Variants in CCDC186 observed in about 807,000 individuals in gnomAD.
CCDC186 encodes coiled-coil domain containing 186.
In CCDC186, 49 loss-of-function variants were observed where a neutral mutation model predicts 113.7. The ratio of observed to expected loss-of-function variants is 0.43; its 90% CI spans 0.34 to 0.55. The LOEUF (loss-of-function observed/expected upper bound fraction) is 0.55. CCDC186 is among the 20% of genes least tolerant of loss of function. CCDC186 has a pLI of 0.02. For synonymous variants in CCDC186, 355 were observed against 345.8 expected, an observed-to-expected ratio of 1.03 and a Z score of -0.30; for missense variants, 890 against 1,011.1, an observed-to-expected ratio of 0.88 and a Z score of 1.62.
chr10:114,144,210 C>A (rs1246271283), intron 6 of CCDC186, among the ~76,000 whole-genome samples: 1 of 152,016 alleles, frequency 6.6e-6, no homozygotes, highest in Non-Finnish European at 1.5e-5. Flanking sequence ...AAGAACAGGG[C>A]AAATTTGGGT....
At chr10:114,147,714 C>A (rs1318493275) in intron 4 of CCDC186, among the ~76,000 whole-genome samples, 3 of 152,062 alleles carry the variant, frequency 2.0e-5, no homozygotes, top group Admixed American at 2.0e-4. Flanking sequence ...ATCAGAAGCT[C>A]TTATTAAAAT....
chr10:114,149,216 AAGTC>A (rs1263645476), intron 4 of CCDC186, among the ~76,000 whole-genome samples: 1 of 152,230 alleles, frequency 6.6e-6, no homozygotes, highest in African/African-American at 2.4e-5. Flanking sequence ...ACACAGCTAA[AAGTC>A]AGTACATCAG....
chr10:114,157,109 C>T (rs1417142431), intron 3 of CCDC186, among the ~76,000 whole-genome samples: 2 of 151,976 alleles, frequency 1.3e-5, no homozygotes, highest in African/African-American at 4.8e-5. Context: ...GGTTTAAATG[C>T]CATGCAATTC....
At chr10:114,163,408 G>T in intron 1 of CCDC186, 79 bp from the exon 2 acceptor site, 2 of 1,146,122 alleles carry the variant, frequency 1.7e-6, no homozygotes, top group Non-Finnish European at 2.4e-6. Context: ...CTGTGATGTG[G>T]AATAACTAAC....
At chr10:114,145,991 C>T (rs144808535) in intron 4 of CCDC186, among the ~76,000 whole-genome samples, 20 of 152,270 alleles carry the variant, frequency 1.3e-4, no homozygotes, top group African/African-American at 3.4e-4. Context: ...CCTTTTACTT[C>T]GGCTAATATG....
Position 114,123,612 on chromosome 10 carries a change from A to G in CCDC186, c.*1531T>C, listed in dbSNP as rs1230769817. 1 of 152,194 alleles carries G rather than the reference A, an allele frequency of 6.6e-6. No homozygotes were observed. The highest frequency in any genetic ancestry group is 1.5e-5 in the Non-Finnish European group (1 of 68,026). The allele number at this position is 152,194 out of a possible 1,614,324, so 9.4% of individuals were successfully genotyped here. A position where few individuals can be genotyped will look rare whatever the true frequency, so the allele number is the denominator to read the frequency against. ...TTGCTGCAATATCTGCATAAGAGCCACGGTATCTTATTATAGTAATGATCT... is the reference window on the plus strand; with the variant it reads ...TTGCTGCAATATCTGCATAAGAGCCGCGGTATCTTATTATAGTAATGATCT... On this transcript the variant is annotated 3_prime_UTR_variant, in exon 16 of 16. Transcript: ENST00000369287.
intron 15 of CCDC186, among the ~76,000 whole-genome samples, chr10:114,125,638 G>C (rs1002677672): frequency 5.3e-5 from 8 of 152,086 alleles, no homozygotes; most frequent in African/African-American, 1.7e-4. Context: ...ATATGTCAAA[G>C]CCCATCCAAT....
chr10:114,130,259 C>T, intron 12 of CCDC186: 1 of 196,068 alleles, frequency 5.1e-6, no homozygotes, highest in Non-Finnish European at 1.0e-5. Context: ...CCTTACAGTA[C>T]CAGAAATTTC....
chr10:114,140,381 T>C (rs2031427864), intron 6 of CCDC186, among the ~76,000 whole-genome samples: 1 of 152,212 alleles, frequency 6.6e-6, no homozygotes, highest in Non-Finnish European at 1.5e-5. Flanking sequence ...GCTTTTGGCC[T>C]GAGCAATGAG....
intron 11 of CCDC186, 88 bp downstream of exon 11, chr10:114,131,841 A>C: frequency 8.4e-7 from 1 of 1,188,894 alleles, no homozygotes; most frequent in Non-Finnish European, 1.1e-6. Context: ...GAAAGAACTT[A>C]ATTCAACTAC....
intron 2 of CCDC186, among the ~76,000 whole-genome samples, chr10:114,158,603 C>T (rs2119817688): frequency 6.6e-6 from 1 of 151,882 alleles, no homozygotes; most frequent in African/African-American, 2.4e-5. Flanking sequence ...ATGGCTCATG[C>T]CAGGAGTCCC....
At position 114,131,207 on chromosome 10, in the gene CCDC186, C is replaced by T; in HGVS notation, c.2041G>A (p.Val681Ile). The change falls in exon 12 of 16, where the codon GTA becomes ATA. Residue 681 changes from valine to isoleucine, a missense_variant. Transcript: ENST00000369287. ...GAGGCATGTTTACGTCTCTGAGTTA[C>T]TAACTCATCTTTTAATTCTTCTACC... ...TQVEELKDEL[V>I]TQRRKHASSI... 6.3e-7 allele frequency: 1 copy of T among 1,598,166 alleles called. No homozygotes were observed.
chr10:114,165,997 T>C (rs1245679679), intron 1 of CCDC186: 30 of 926,072 alleles, frequency 3.2e-5, no homozygotes, highest in Non-Finnish European at 3.7e-5. Context: ...GAACCTGTCT[T>C]AATTTCTGGA....
chr10:114,131,093 A>C, intron 12 of CCDC186, 54 bp downstream of exon 12: 1 of 1,317,790 alleles, frequency 7.6e-7, no homozygotes, highest in Non-Finnish European at 1.0e-6. Flanking sequence ...ATAAAATCCT[A>C]ATGATTAAAA....
At chr10:114,167,845 G>GTT (rs897092686) in intron 1 of CCDC186, among the ~76,000 whole-genome samples, 9 of 150,568 alleles carry the variant, frequency 6.0e-5, no homozygotes, top group African/African-American at 2.0e-4. Context: ...AGTTAGCTGG[G>GTT]CATGGTGGCA....
At position 114,136,185 on chromosome 10, in the gene CCDC186, A is replaced by G; in HGVS notation, c.1388T>C (p.Leu463Pro). The G allele has an allele frequency of 6.2e-7, 1 of 1,613,186 alleles. No individual in the cohort carries two copies. The highest frequency in any genetic ancestry group is 1.7e-5 in the Admixed American group (1 of 60,028). The change falls in exon 8 of 16, where the codon CTT becomes CCT. Residue 463 changes from leucine (L) to proline (P), a missense_variant. Physicochemically the swap from Leu to Pro is moderately conservative, Grantham distance 98. Coordinates refer to ENST00000369287, the MANE Select transcript of CCDC186 (RefSeq NM_018017.4). ...DAKLRVTKGELEKQMQEKSDQ... is the reference protein window; with the variant it reads ...DAKLRVTKGEPEKQMQEKSDQ... ...AGATTTTTCTTGCATTTGTTTTTCA[A>G]GTTCTCCTTTTGTGACTCTAAGCTT...
intron 2 of CCDC186, chr10:114,162,431 T>C: frequency 2.3e-6 from 1 of 429,892 alleles, no homozygotes. Context: ...ACATTTACAC[T>C]ATTTAACATA....
At chr10:114,143,567 G>C (rs566375048) in intron 6 of CCDC186, among the ~76,000 whole-genome samples, 1 of 152,270 alleles carries the variant, frequency 6.6e-6, no homozygotes, top group East Asian at 1.9e-4. Flanking sequence ...GTGCTGATTA[G>C]TAGGTCAGCT....
chr10:114,123,002 C>T lies in CCDC186; in HGVS notation c.*2141G>A, dbSNP rs2030777650. 6.6e-6 allele frequency: 1 copy of T among 152,228 alleles called. No homozygotes were observed. The highest frequency in any genetic ancestry group is 2.4e-5 in the African/African-American group (1 of 41,398). The allele number at this position is 152,228 out of a possible 1,614,324, so 9.4% of individuals were successfully genotyped here. ...GTATATACATTTTAAAGTGTATAGGCATAGGATACTATGGATCAGATCACT... is the reference window on the plus strand; with the variant it reads ...GTATATACATTTTAAAGTGTATAGGTATAGGATACTATGGATCAGATCACT... On this transcript the variant is annotated 3_prime_UTR_variant, in exon 16 of 16. Transcript: ENST00000369287.
Sources: allele counts gnomAD v4.1 joint callset (sites outside exome capture counted in the v4.1 genomes callset), GRCh38; gene constraint gnomAD v4.1.1; transcripts MANE v1.5; gene names NCBI Gene and HGNC (gene_info 2026-07-23, HGNC 2026-07-21).